The following LGSN variants were observed in gnomAD, a reference collection of about 807,000 sequenced individuals.
LGSN encodes lengsin.
Under a neutral mutation model 19.5 loss-of-function variants are expected in LGSN, and 21 were observed. The ratio of observed to expected loss-of-function variants is 1.07; its 90% CI spans 0.76 to 1.55. The LOEUF is 1.55. LGSN is among the 40% of genes most tolerant of loss of function. The pLI, the probability that LGSN is intolerant of heterozygous loss-of-function variation, is 0.00. For synonymous variants in LGSN, 257 were observed against 215.6 expected (o/e 1.19, Z -1.68); for missense variants, 673 against 608.5 (o/e 1.11, Z -1.12).
chr6:63,481,000 CAT>C, the LGSN span, among the ~76,000 whole-genome samples: 1 of 138,210 alleles, frequency 7.2e-6, no homozygotes, highest in African/African-American at 2.8e-5. Flanking sequence ...CACACACATA[CAT>C]ACATACATAC....
the LGSN span, among the ~76,000 whole-genome samples, chr6:63,348,803 C>T: frequency 1.4e-5 from 2 of 142,846 alleles, no homozygotes; most frequent in East Asian, 4.1e-4. Flanking sequence ...GTTGCCCGGG[C>T]TGGTCTCGAA....
At chr6:63,343,315 G>C in the LGSN span, among the ~76,000 whole-genome samples, 4 of 152,134 alleles carry the variant, frequency 2.6e-5, no homozygotes, top group Non-Finnish European at 5.9e-5. Context: ...ACTTTCATGA[G>C]TCTGAGATAT....
At chr6:63,474,169 G>A in the LGSN span, among the ~76,000 whole-genome samples, 6 of 152,206 alleles carry the variant, frequency 3.9e-5, no homozygotes, top group African/African-American at 9.6e-5. Context: ...GAAGCTGCCT[G>A]TACTCTTCAG....
the LGSN span, among the ~76,000 whole-genome samples, chr6:63,477,775 C>G: frequency 3.1e-5 from 4 of 129,418 alleles, no homozygotes; most frequent in Non-Finnish European, 6.3e-5. Flanking sequence ...CTCAAGAAAT[C>G]CTCCTTCCTT....
chr6:63,390,478 A>C, the LGSN span, among the ~76,000 whole-genome samples: 1 of 151,860 alleles, frequency 6.6e-6, no homozygotes, highest in South Asian at 2.1e-4. Flanking sequence ...TGCATGACCT[A>C]TTGCCAAATT....
chr6:63,532,768 A>G, the LGSN span, among the ~76,000 whole-genome samples: 12 of 152,338 alleles, frequency 7.9e-5, no homozygotes, highest in East Asian at 1.9e-3. Flanking sequence ...AGCATGTTCA[A>G]TCAGTATCTA....
chr6:63,456,848 C>T, the LGSN span, among the ~76,000 whole-genome samples: 4 of 152,148 alleles, frequency 2.6e-5, no homozygotes, highest in Non-Finnish European at 5.9e-5. Flanking sequence ...AGATCAGGCT[C>T]CAAGCACATT....
rs987980563 is a variant in LGSN, at chr6:63,319,774, C to T, written c.30+140G>A. On this transcript the variant is annotated intron_variant, in intron 1 of 3. Transcript: ENST00000370657. ...TGTGTAGTACAGAAGGGCAATTCTT[C>T]ATAAACTTCTCCTGAGTGGACATAT... The T allele has an allele frequency of 2.2e-5, 15 of 681,786 alleles. No individual in the cohort carries two copies. The Admixed American group carries it at 3.6e-4, about 16-fold the overall frequency. 42.2% of individuals were successfully genotyped at this position (681,786 alleles called of 1,614,324 possible).
chr6:63,548,314 T>A, the LGSN span, among the ~76,000 whole-genome samples: 1 of 152,218 alleles, frequency 6.6e-6, no homozygotes, highest in African/African-American at 2.4e-5. Flanking sequence ...ATCTGCAATG[T>A]AAAGAAAATC....
chr6:63,355,673 A>G, the LGSN span, among the ~76,000 whole-genome samples: 3 of 151,886 alleles, frequency 2.0e-5, no homozygotes, highest in African/African-American at 7.3e-5. Flanking sequence ...TCACTCCAGT[A>G]CTCTGTCTTT....
chr6:63,503,318 G>A, the LGSN span, among the ~76,000 whole-genome samples: 2 of 152,152 alleles, frequency 1.3e-5, no homozygotes, highest in African/African-American at 4.8e-5. Flanking sequence ...GTTCATTTAT[G>A]GAAAGGAAAC....
the LGSN span, among the ~76,000 whole-genome samples, chr6:63,506,853 C>T: frequency 1.2e-3 from 180 of 152,262 alleles, 3 homozygotes; most frequent in African/African-American, 3.8e-3. Flanking sequence ...CCACAAATAT[C>T]TCACTGAACA....
chr6:63,326,940 C>G, the LGSN span, among the ~76,000 whole-genome samples: 4,034 of 152,342 alleles, frequency 0.026, 179 homozygotes, highest in African/African-American at 0.093. Flanking sequence ...CAAGTGCCAC[C>G]AAAGTGGGAG....
At chr6:63,447,007 C>A in the LGSN span, among the ~76,000 whole-genome samples, 1 of 152,206 alleles carries the variant, frequency 6.6e-6, no homozygotes, top group Non-Finnish European at 1.5e-5. Context: ...CGAGATCGTG[C>A]CGTTGCACTC....
At chr6:63,508,420 C>CA in the LGSN span, among the ~76,000 whole-genome samples, 2 of 151,750 alleles carry the variant, frequency 1.3e-5, no homozygotes, top group African/African-American at 4.8e-5. Flanking sequence ...TTAAAACCAC[C>CA]AAAAAATAAG....
the LGSN span, among the ~76,000 whole-genome samples, chr6:63,454,710 T>C: frequency 9.9e-5 from 15 of 151,774 alleles, no homozygotes; most frequent in African/African-American, 3.1e-4. Flanking sequence ...GACCTCGTGA[T>C]CCATCTGCCT....
At chr6:63,498,269 T>C in the LGSN span, among the ~76,000 whole-genome samples, 81,126 of 151,756 alleles carry the variant, frequency 0.53, 23,547 homozygotes, top group African/African-American at 0.77. Flanking sequence ...GTTTTAATGA[T>C]TTGCCAAAAG....
chr6:63,310,878 T>C (rs759744309), intron 1 of LGSN, among the ~76,000 whole-genome samples: 14 of 152,210 alleles, frequency 9.2e-5, no homozygotes, highest in Non-Finnish European at 1.8e-4. Flanking sequence ...CGTGGTGAAG[T>C]AGAACTCTCT....
the LGSN span, among the ~76,000 whole-genome samples, chr6:63,469,873 C>G: frequency 6.6e-6 from 1 of 152,122 alleles, no homozygotes; most frequent in African/African-American, 2.4e-5. Context: ...TGCGCCACCA[C>G]ACCCGGCTAA....
Sources: gnomAD v4.1 joint callset for allele counts (sites outside exome capture counted in the v4.1 genomes callset) on GRCh38, gnomAD v4.1.1 for gene constraint, MANE v1.5 for transcripts, NCBI Gene and HGNC (gene_info 2026-07-23, HGNC 2026-07-21) for gene names.